TAFA4: variants seen among roughly 807,000 people sequenced by gnomAD.
TAFA4 encodes the protein TAFA chemokine like family member 4.
TAFA4 carries 20 observed loss-of-function variants against 21.1 expected under a neutral mutation model. That is an observed-to-expected ratio of 0.95 (90% CI 0.67 to 1.38). The LOEUF is 1.38. Among genes scored for constraint, TAFA4 ranks in the 40% most tolerant of loss-of-function variants. The probability of loss-of-function intolerance (pLI) is 0.00; values close to 1 mark genes in which losing one functional copy is unlikely to be tolerated. For synonymous variants in TAFA4, 71 were observed against 67.4 expected, an observed-to-expected ratio of 1.05 and a Z score of -0.26; for missense variants, 211 against 180.9, an observed-to-expected ratio of 1.17 and a Z score of -0.95.
intron 3 of TAFA4, among the ~76,000 whole-genome samples, chr3:68,875,928 A>AT (rs1553650293): frequency 6.6e-6 from 1 of 151,844 alleles, no homozygotes; most frequent in Non-Finnish European, 1.5e-5. Flanking sequence ...AAAAAAAAAA[A>AT]AGAGAGAGAG....
intron 3 of TAFA4, among the ~76,000 whole-genome samples, chr3:68,845,580 T>C (rs1289978189): frequency 1.3e-5 from 2 of 152,240 alleles, no homozygotes; most frequent in Non-Finnish European, 2.9e-5. Flanking sequence ...GCTGGTTATT[T>C]TGCCCATTAG....
intron 3 of TAFA4, among the ~76,000 whole-genome samples, chr3:68,818,282 T>C (rs942486682): frequency 6.6e-6 from 1 of 152,178 alleles, no homozygotes; most frequent in Admixed American, 6.5e-5. Context: ...TTAAGAGAGT[T>C]AGGGGTTTGC....
intron 3 of TAFA4, among the ~76,000 whole-genome samples, chr3:68,836,715 A>G (rs1704531292): frequency 6.7e-6 from 1 of 150,326 alleles, no homozygotes; most frequent in Non-Finnish European, 1.5e-5. Context: ...ATTTATTTAC[A>G]ATAGTAAGAT....
chr3:68,922,952 G>C (rs1271078782), intron 1 of TAFA4, among the ~76,000 whole-genome samples: 4 of 152,144 alleles, frequency 2.6e-5, no homozygotes, highest in Non-Finnish European at 4.4e-5. Context: ...TACTGGCACT[G>C]TCTGCTCCCC....
chr3:68,917,360 T>A (rs528912495), intron 1 of TAFA4, among the ~76,000 whole-genome samples: 2 of 151,944 alleles, frequency 1.3e-5, no homozygotes, highest in Non-Finnish European at 2.9e-5. Context: ...ACAGTTTGAG[T>A]TTTTAGGGCT....
chr3:68,791,669 G>A (rs17047995), intron 3 of TAFA4, among the ~76,000 whole-genome samples: 1 of 152,094 alleles, frequency 6.6e-6, no homozygotes, highest in African/African-American at 2.4e-5. Flanking sequence ...GGAAGCCCAA[G>A]AAATAAACCA....
intron 2 of TAFA4, among the ~76,000 whole-genome samples, chr3:68,883,579 A>T (rs2089640346): frequency 6.6e-6 from 1 of 152,228 alleles, no homozygotes. Context: ...ATTTAAAATA[A>T]TGTCCCACTG....
intron 2 of TAFA4, among the ~76,000 whole-genome samples, chr3:68,884,429 C>A (rs1257928158): frequency 6.6e-6 from 1 of 152,214 alleles, no homozygotes; most frequent in East Asian, 1.9e-4. Context: ...GTTCTAGTTT[C>A]CACTCTAGTT....
At chr3:68,767,848 C>A (rs760252381) in intron 3 of TAFA4, among the ~76,000 whole-genome samples, 1 of 151,702 alleles carries the variant, frequency 6.6e-6, no homozygotes, top group Non-Finnish European at 1.5e-5. Context: ...CATACATGTA[C>A]AAGAATTGAT....
At chr3:68,749,567 A>C (rs1454105145) in intron 4 of TAFA4, among the ~76,000 whole-genome samples, 1 of 152,248 alleles carries the variant, frequency 6.6e-6, no homozygotes, top group East Asian at 1.9e-4. Flanking sequence ...GATAAGGAAG[A>C]GATCAAAGAG....
chr3:68,884,582 C>G (rs760094307), intron 2 of TAFA4, among the ~76,000 whole-genome samples: 9 of 152,232 alleles, frequency 5.9e-5, no homozygotes, highest in Non-Finnish European at 1.2e-4. Context: ...GAATTCACTT[C>G]CCACTGGACA....
chr3:68,855,039 G>A (rs1705034593), intron 3 of TAFA4, among the ~76,000 whole-genome samples: 4 of 151,988 alleles, frequency 2.6e-5, no homozygotes, highest in African/African-American at 9.7e-5. Context: ...GAACTCTTAG[G>A]GGCCAGAACA....
At chr3:68,788,009 T>C (rs1292791757) in intron 3 of TAFA4, among the ~76,000 whole-genome samples, 1 of 152,250 alleles carries the variant, frequency 6.6e-6, no homozygotes, top group Admixed American at 6.5e-5. Context: ...ATGCTGGCTG[T>C]GCATTTGCAT....
chr3:68,733,265 AT>A, intron 5 of TAFA4, 112 bp from the exon 6 acceptor site: 1 of 1,361,414 alleles, frequency 7.3e-7, no homozygotes, highest in African/African-American at 1.4e-5. Context: ...CAGTTTGTAC[AT>A]TTACCTATAA....
chr3:68,903,873 C>T (rs1346483416), intron 1 of TAFA4, among the ~76,000 whole-genome samples: 2 of 152,092 alleles, frequency 1.3e-5, no homozygotes, highest in Non-Finnish European at 2.9e-5. Context: ...CAAAACTATA[C>T]CTTTGATGCG....
chr3:68,784,945 T>A (rs1481536257), intron 3 of TAFA4, among the ~76,000 whole-genome samples: 1 of 151,918 alleles, frequency 6.6e-6, no homozygotes, highest in Admixed American at 6.6e-5. Context: ...ATTGGTGCAT[T>A]CACAAACCCT....
At chr3:68,898,022 A>G (rs2089809552) in intron 1 of TAFA4, among the ~76,000 whole-genome samples, 1 of 152,230 alleles carries the variant, frequency 6.6e-6, no homozygotes, top group Non-Finnish European at 1.5e-5. Context: ...GTTTGGTTTA[A>G]GGTAAATACG....
At chr3:68,765,637 G>C (rs1366407400) in intron 3 of TAFA4, among the ~76,000 whole-genome samples, 1 of 152,148 alleles carries the variant, frequency 6.6e-6, no homozygotes, top group African/African-American at 2.4e-5. Flanking sequence ...AGATGGCAGA[G>C]TAACCGCCTG....
chr3:68,898,696 C>T (rs369994149), intron 1 of TAFA4, among the ~76,000 whole-genome samples: 21 of 152,220 alleles, frequency 1.4e-4, no homozygotes, highest in African/African-American at 4.6e-4. Context: ...GGTCAAATAT[C>T]GGACCAATCA....
Sources: gnomAD v4.1 joint callset for allele counts (sites outside exome capture counted in the v4.1 genomes callset) on GRCh38, gnomAD v4.1.1 for gene constraint, MANE v1.5 for transcripts, NCBI Gene and HGNC (gene_info 2026-07-23, HGNC 2026-07-21) for gene names.